NRXN1: variants seen among roughly 807,000 people sequenced by gnomAD.
The protein encoded by NRXN1 is neurexin-1.
A neutral mutation model predicts 150.9 loss-of-function variants in NRXN1; 39 were observed. The observed-to-expected ratio is 0.26, with a 90% CI of 0.20 to 0.34. The LOEUF (loss-of-function observed/expected upper bound fraction) is 0.34. NRXN1 is among the 10% of genes least tolerant of loss of function. The pLI, the probability that NRXN1 is intolerant of heterozygous loss-of-function variation, is 1.00. For synonymous variants in NRXN1, 924 were observed against 757.0 expected (o/e 1.22, Z -3.62); for missense variants, 1,815 against 1,949.9 (o/e 0.93, Z 1.30).
Position 50,026,882 on chromosome 2 carries a change from T to C in NRXN1, c.4128+26389A>G, listed in dbSNP as rs1289975639. ...TTCTTTTTTTTTTTTTTTTTTTTTT[T>C]TTTTTTTTTTTTTTTTGAGACGGAG... On this transcript the variant is annotated intron_variant, in intron 21 of 22. Transcript: ENST00000401669. Among the ~76,000 whole-genome samples, 215 of 66,378 alleles carry C rather than the reference T, an allele frequency of 3.2e-3. 5 individuals are homozygous for C. Among genetic ancestry groups the C allele is most frequent in the Middle Eastern group, 9.6e-3 (1 of 104 alleles). The allele number at this position is 66,378 out of a possible 152,430, so 43.5% of individuals were successfully genotyped here. A position where few individuals can be genotyped will look rare whatever the true frequency, so the allele number is the denominator to read the frequency against.
intron 5 of NRXN1, among the ~76,000 whole-genome samples, chr2:50,871,369 T>C (rs1259806530): frequency 6.6e-6 from 1 of 151,926 alleles, no homozygotes; most frequent in African/African-American, 2.4e-5. Context: ...TTATATGATT[T>C]ATCATTTTTA....
intron 19 of NRXN1, among the ~76,000 whole-genome samples, chr2:50,070,545 C>A (rs1339314869): frequency 3.3e-5 from 5 of 151,702 alleles, no homozygotes; most frequent in Admixed American, 2.6e-4. Context: ...CCGAGGCGGG[C>A]GGATCACAAG....
chr2:50,518,681 C>A (rs2092696396), intron 12 of NRXN1, among the ~76,000 whole-genome samples: 1 of 151,620 alleles, frequency 6.6e-6, no homozygotes, highest in African/African-American at 2.4e-5. Context: ...CATTCCATGT[C>A]TAAATACACC....
intron 5 of NRXN1, among the ~76,000 whole-genome samples, chr2:50,810,600 C>T (rs551395480): frequency 2.0e-4 from 30 of 152,144 alleles, no homozygotes; most frequent in Non-Finnish European, 4.0e-4. Flanking sequence ...TATTCAACTT[C>T]CTGAACACCC....
intron 18 of NRXN1, among the ~76,000 whole-genome samples, chr2:50,167,258 A>G (rs149146380): frequency 6.6e-6 from 1 of 152,274 alleles, no homozygotes; most frequent in South Asian, 2.1e-4. Context: ...CCCTGCCAAA[A>G]ATAGAATTCC....
intron 17 of NRXN1, among the ~76,000 whole-genome samples, chr2:50,443,216 G>A (rs78396436): frequency 0.012 from 1,792 of 151,600 alleles, 34 homozygotes; most frequent in African/African-American, 0.04. Context: ...ACAATTCAAG[G>A]GGGGGAGAGA....
rs1374830178 is a variant in NRXN1 at position 49,939,152 on chromosome 2, T to C, written c.4216+4552A>G. Among the ~76,000 whole-genome samples the C allele has an allele frequency of 3.3e-5, 5 of 152,320 alleles. No homozygotes were observed. In the East Asian group the frequency reaches 9.6e-4, roughly 29 times the overall value. On this transcript the variant is annotated intron_variant, in intron 22 of 22. Transcript: ENST00000401669. ...GCAAAACATTTTTTCTATAACATAC[T>C]TTTCATATATTAACTCCAGCAATCA...
At chr2:50,169,721 AAAAAAAAG>A in intron 18 of NRXN1, among the ~76,000 whole-genome samples, 1 of 150,498 alleles carries the variant, frequency 6.6e-6, no homozygotes, top group East Asian at 2.0e-4. Context: ...CAAAAAAAAA[AAAAAAAAG>A]AAAGAAAGAA....
intron 18 of NRXN1, among the ~76,000 whole-genome samples, chr2:50,116,844 A>G (rs1322569669): frequency 6.6e-6 from 1 of 152,170 alleles, no homozygotes; most frequent in Non-Finnish European, 1.5e-5. Context: ...CATTGAAAAC[A>G]GGGTGGTTTT....
At chr2:50,995,596 C>T in intron 2 of NRXN1, among the ~76,000 whole-genome samples, 1 of 133,744 alleles carries the variant, frequency 7.5e-6, no homozygotes, top group Non-Finnish European at 1.6e-5. Context: ...CAGAGCTAGA[C>T]TCTGTCAAAA....
chr2:50,069,957 TCTC>T (rs1205051962), intron 19 of NRXN1, among the ~76,000 whole-genome samples: 2 of 151,282 alleles, frequency 1.3e-5, no homozygotes, highest in African/African-American at 4.9e-5. Flanking sequence ...TTCATGCCAT[TCTC>T]CTGCCTCAGC....
intron 17 of NRXN1, among the ~76,000 whole-genome samples, chr2:50,383,645 A>G (rs759907804): frequency 6.6e-6 from 1 of 152,170 alleles, no homozygotes; most frequent in Non-Finnish European, 1.5e-5. Context: ...AAACCTGACA[A>G]AAGAAAACTA....
chr2:50,758,373 T>TAA (rs1701401783), intron 5 of NRXN1, among the ~76,000 whole-genome samples: 1 of 151,880 alleles, frequency 6.6e-6, no homozygotes, highest in South Asian at 2.1e-4. Context: ...TAACAAAAGA[T>TAA]AAAGGTGTAT....
chr2:50,009,666 G>A (rs183557374), intron 21 of NRXN1, among the ~76,000 whole-genome samples: 1 of 152,166 alleles, frequency 6.6e-6, no homozygotes, highest in East Asian at 1.9e-4. Context: ...CAAAAAGAGA[G>A]ACATATCCAA....
At chr2:50,326,706 T>C (rs2076406693) in intron 17 of NRXN1, among the ~76,000 whole-genome samples, 1 of 152,214 alleles carries the variant, frequency 6.6e-6, no homozygotes, top group East Asian at 1.9e-4. Flanking sequence ...AATTATATTC[T>C]ATGTACATAA....
intron 13 of NRXN1, among the ~76,000 whole-genome samples, chr2:50,500,570 G>C (rs1193601088): frequency 1.3e-5 from 2 of 152,064 alleles, no homozygotes; most frequent in Non-Finnish European, 2.9e-5. Context: ...AAAATTATAA[G>C]ACTTCGAAGG....
intron 5 of NRXN1, among the ~76,000 whole-genome samples, chr2:50,900,223 C>A (rs1250947518): frequency 6.6e-6 from 1 of 152,170 alleles, no homozygotes. Flanking sequence ...CTAGTGTCCA[C>A]AACATGTTGG....
chr2:50,284,872 A>G (rs2071918580), intron 17 of NRXN1, among the ~76,000 whole-genome samples: 1 of 152,196 alleles, frequency 6.6e-6, no homozygotes, highest in Non-Finnish European at 1.5e-5. Context: ...TTCAGCAAAA[A>G]GATTTATAAC....
At chr2:50,934,344 T>G (rs1688208890) in intron 2 of NRXN1, among the ~76,000 whole-genome samples, 1 of 152,184 alleles carries the variant, frequency 6.6e-6, no homozygotes, top group South Asian at 2.1e-4. Context: ...ACATTTTACC[T>G]TACTAATAAT....
Sources: gnomAD v4.1 joint callset for allele counts (sites outside exome capture counted in the v4.1 genomes callset) on GRCh38, gnomAD v4.1.1 for gene constraint, MANE v1.5 for transcripts, NCBI Gene and HGNC (gene_info 2026-07-23, HGNC 2026-07-21) for gene names.